GLTPD2: variants seen among roughly 807,000 people sequenced by gnomAD.
GLTPD2 encodes the protein glycolipid transfer protein domain containing 2.
Under a neutral mutation model 12.9 loss-of-function variants are expected in GLTPD2, and 12 were observed. The ratio of observed to expected loss-of-function variants is 0.93; its 90% CI spans 0.59 to 1.50. The LOEUF is 1.50. Among genes scored for constraint, GLTPD2 ranks in the 40% most tolerant of loss-of-function variants. The pLI is 0.00. For synonymous variants in GLTPD2, 199 were observed against 205.6 expected (o/e 0.97, Z 0.27); for missense variants, 450 against 426.2 (o/e 1.06, Z -0.49).
chr17:4,789,831 G>A lies in GLTPD2; in HGVS notation c.411G>A (p.Glu137=), dbSNP rs374100494. The part of the protein sequence containing the change: ...REAFTKVTDL[E]ARVHGPDAEH... ...CCTTCACCAAGGTGACAGACCTGGA[G>A]GCTCGGGTGCACGGCCCGGACGCGG... The change falls in exon 4 of 4, where the codon GAG becomes GAA. Residue 137 remains glutamate, a synonymous_variant. Transcript: ENST00000331264. 5 of 1,610,196 alleles carry A rather than the reference G, an allele frequency of 3.1e-6. No homozygotes were observed. Among genetic ancestry groups the A allele is most frequent in the Non-Finnish European group, 4.2e-6 (5 of 1,178,506 alleles).
At chr17:4,789,203 C>T in intron 1 of GLTPD2, 23 bp from the exon 2 acceptor site, 7 of 1,602,138 alleles carry the variant, frequency 4.4e-6, no homozygotes, top group Non-Finnish European at 6.0e-6. Context: ...GAGCCCTCAC[C>T]GCTCCGCTTC....
In GLTPD2 at chr17:4,789,523, T is replaced by C; in HGVS notation, c.184T>C (p.Ser62Pro). The C allele has an allele frequency of 3.1e-6, 5 of 1,613,496 alleles. No individual in the cohort carries two copies. The highest frequency in any genetic ancestry group is 4.2e-6 in the Non-Finnish European group (5 of 1,179,728). Residue 62 changes from serine to proline, a missense_variant, in exon 3 of 4, where the codon TCG (serine) becomes CCG (proline). Coordinates refer to ENST00000331264, the MANE Select transcript of GLTPD2 (RefSeq NM_001014985.3). ...ETAPFQVRQE[S>P]GTLEAPERKQ... Reference sequence around the variant, plus strand: ...GTCTCCCCACCAGGTCCGGCAGGAGTCGGGAACCCTGGAGGCCCCGGAGAG... The same window carrying C: ...GTCTCCCCACCAGGTCCGGCAGGAGCCGGGAACCCTGGAGGCCCCGGAGAG...
intron 1 of GLTPD2, 23 bp from the exon 2 acceptor site, chr17:4,789,203 C>A (rs779795044): frequency 1.9e-6 from 3 of 1,602,136 alleles, no homozygotes; most frequent in South Asian, 1.1e-5. Context: ...GAGCCCTCAC[C>A]GCTCCGCTTC....
rs1475344488 is a variant in GLTPD2, at chr17:4,789,946, C to G, written c.526C>G (p.Arg176Gly). Residue 176 changes from arginine (R) to glycine (G), a missense_variant, in exon 4 of 4, where the codon CGG (arginine) becomes GGG (glycine). By Grantham distance (125) the Arg-to-Gly change is moderately radical. Transcript: ENST00000331264. The stretch of plus-strand genomic sequence containing the variant: ...GGGGGCGGCCCCCCGGGACCCGACC[C>G]GGAGCTCGGGCTCTCGCACGCTGCT... Reference protein sequence around the residue: ...QPGAAPRDPTRSSGSRTLLLL... With the variant: ...QPGAAPRDPTGSSGSRTLLLL... 2.6e-6 allele frequency: 4 copies of G among 1,538,518 alleles called. No homozygotes were observed. Among genetic ancestry groups the G allele is most frequent in the Non-Finnish European group, 3.5e-6 (4 of 1,144,242 alleles).
intron 2 of GLTPD2, 96 bp downstream of exon 2, chr17:4,789,386 C>T (rs957581433): frequency 2.0e-5 from 30 of 1,508,334 alleles, no homozygotes; most frequent in Admixed American, 3.9e-5. Flanking sequence ...GGCGGGTCCT[C>T]CCCCGGTCTA....
chr17:4,789,650 A>G lies in GLTPD2; in HGVS notation c.311A>G (p.Tyr104Cys). ...KPEGDVGLSP[Y>C]LAGWRALVEF... ...GAAGGGGATGTGGGGCTGTCGCCGT[A>G]CCTGGCGGGATGGAGGGCACTCGTC... Residue 104 changes from tyrosine (Y) to cysteine (C), a missense_variant, in exon 3 of 4, where the codon TAC becomes TGC. Transcript: ENST00000331264. 1 of 1,613,486 alleles carries G rather than the reference A, an allele frequency of 6.2e-7. No individual in the cohort carries two copies. Among genetic ancestry groups the G allele is most frequent in the Non-Finnish European group, 8.5e-7 (1 of 1,179,942 alleles).
chr17:4,789,653 T>C lies in GLTPD2; in HGVS notation c.314T>C (p.Leu105Pro), dbSNP rs567449261. Reference sequence around the variant, plus strand: ...GGGGATGTGGGGCTGTCGCCGTACCTGGCGGGATGGAGGGCACTCGTCGAG... The same window carrying C: ...GGGGATGTGGGGCTGTCGCCGTACCCGGCGGGATGGAGGGCACTCGTCGAG... ...PEGDVGLSPY[L>P]AGWRALVEFL... Residue 105 changes from leucine (L) to proline (P), a missense_variant, in exon 3 of 4, where the codon CTG becomes CCG. Physicochemically the swap from Leu to Pro is moderately conservative, Grantham distance 98 (BLOSUM62 -3). Coordinates refer to ENST00000331264, the MANE Select transcript of GLTPD2 (RefSeq NM_001014985.3). The C allele has an allele frequency of 1.8e-4, 285 of 1,613,196 alleles. 3 individuals carry two copies. The South Asian group carries it at 2.9e-3, about 16-fold the overall frequency.
In GLTPD2 at chr17:4,790,072, T is replaced by A. The variant is rs973091317; in HGVS notation, c.652T>A (p.Tyr218Asn). Residue 218 changes from tyrosine to asparagine, a missense_variant, in exon 4 of 4, where the codon TAC becomes AAC. Tyr to Asn is a moderately radical substitution (Grantham distance 143). Coordinates refer to ENST00000331264, the MANE Select transcript of GLTPD2 (RefSeq NM_001014985.3). ...PDAGVQCSDA[Y>N]RAALGPHHPW... The stretch of plus-strand genomic sequence containing the variant: ...CGCGGGCGTGCAGTGCAGCGACGCC[T>A]ACCGTGCGGCCCTGGGTCCGCATCA... The A allele has an allele frequency of 2.2e-5, 31 of 1,405,544 alleles. No individual in the cohort carries two copies. The African/African-American group carries it at 3.8e-4, about 17-fold the overall frequency. 87.1% of individuals were successfully genotyped at this position (1,405,544 alleles called of 1,614,324 possible). A position where few individuals can be genotyped will look rare whatever the true frequency, so the allele number is the denominator to read the frequency against.
Position 4,790,364 on chromosome 17 carries a change from C to T in GLTPD2, c.*68C>T, listed in dbSNP as rs1917640626. The T allele has an allele frequency of 8.1e-7, 1 of 1,240,068 alleles. No individual in the cohort carries two copies. The highest frequency in any genetic ancestry group is 1.0e-6 in the Non-Finnish European group (1 of 969,752). 76.8% of individuals were successfully genotyped at this position (1,240,068 alleles called of 1,614,324 possible). A position where few individuals can be genotyped will look rare whatever the true frequency, so the allele number is the denominator to read the frequency against. On this transcript the variant is annotated 3_prime_UTR_variant, in exon 4 of 4. Coordinates refer to ENST00000331264, the MANE Select transcript of GLTPD2 (RefSeq NM_001014985.3). ...GGGGTGGGGCCGCGCAGCCCGGGGT[C>T]AGTCCTGCAGCCCGCGCCGCGGCCG...
In GLTPD2 at chr17:4,789,232, G is replaced by T. The variant is rs967519144; in HGVS notation, c.113G>T (p.Arg38Leu). The T allele has an allele frequency of 6.9e-6, 11 of 1,597,044 alleles. No individual in the cohort carries two copies. Among genetic ancestry groups the T allele is most frequent in the African/African-American group, 6.7e-5 (5 of 74,140 alleles). ...CCGCTTCTCCTCTACCCAGGCGCCC[G>T]CTCGGGCTGCGGACCCAGGGCGCAG... ...LYLSVRSLGA[R>L]SGCGPRAQPC... Residue 38 changes from arginine (R) to leucine (L), a missense_variant, in exon 2 of 4, where the codon CGC (arginine) becomes CTC (leucine). Arg to Leu is a moderately radical substitution (Grantham distance 102). Transcript: ENST00000331264.
At position 4,790,225 on chromosome 17, in the gene GLTPD2, G is replaced by A. The variant is rs1433262134; in HGVS notation, c.805G>A (p.Gly269Ser). Residue 269 changes from glycine to serine, a missense_variant, in exon 4 of 4, where the codon GGC becomes AGC. Coordinates refer to ENST00000331264, the MANE Select transcript of GLTPD2 (RefSeq NM_001014985.3). ...EARAALVRAA[G>S]TLEDVYNRTQ... The stretch of plus-strand genomic sequence containing the variant: ...GCGGGCCGCGCTGGTCCGGGCCGCC[G>A]GCACCTTGGAGGATGTCTACAACCG... 2.0e-6 allele frequency: 3 copies of A among 1,485,630 alleles called. No individual in the cohort carries two copies. Among genetic ancestry groups the A allele is most frequent in the Non-Finnish European group, 2.7e-6 (3 of 1,125,718 alleles). The allele number at this position is 1,485,630 out of a possible 1,614,324, so 92.0% of individuals were successfully genotyped here.
chr17:4,789,524 C>A lies in GLTPD2; in HGVS notation c.185C>A (p.Ser62Ter). 3 of 1,613,862 alleles carry A rather than the reference C, an allele frequency of 1.9e-6. No individual in the cohort carries two copies. Among genetic ancestry groups the A allele is most frequent in the Non-Finnish European group, 2.5e-6 (3 of 1,179,822 alleles). The stretch of plus-strand genomic sequence containing the variant: ...TCTCCCCACCAGGTCCGGCAGGAGT[C>A]GGGAACCCTGGAGGCCCCGGAGAGG... ...ETAPFQVRQESGTLEAPERKQ... is the reference protein window; with the variant it reads ...ETAPFQVRQE Residue 62 changes from serine to a stop codon, truncating the protein, a stop_gained, in exon 3 of 4, where the codon TCG becomes TAG. Transcript: ENST00000331264. LOFTEE classifies it high-confidence loss of function.
chr17:4,789,966 G>A lies in GLTPD2; in HGVS notation c.546G>A (p.Thr182=). The change falls in exon 4 of 4, where the codon ACG becomes ACA. Residue 182 remains threonine, a synonymous_variant. Coordinates refer to ENST00000331264, the MANE Select transcript of GLTPD2 (RefSeq NM_001014985.3). ...RDPTRSSGSR[T]LLLLHRALRW... is the part of the protein sequence containing the mutation. Reference sequence around the variant, plus strand: ...CGACCCGGAGCTCGGGCTCTCGCACGCTGCTCCTGCTGCACCGCGCGCTGC... The same window carrying A: ...CGACCCGGAGCTCGGGCTCTCGCACACTGCTCCTGCTGCACCGCGCGCTGC... The A allele has an allele frequency of 6.5e-7, 1 of 1,533,160 alleles. No individual in the cohort carries two copies. Among genetic ancestry groups the A allele is most frequent in the South Asian group, 1.2e-5 (1 of 83,292 alleles). The allele number at this position is 1,533,160 out of a possible 1,614,324, so 95.0% of individuals were successfully genotyped here.
intron 2 of GLTPD2, 40 bp from the exon 3 acceptor site, chr17:4,789,471 G>A (rs766067905): frequency 1.2e-6 from 2 of 1,602,136 alleles, no homozygotes; most frequent in Non-Finnish European, 1.7e-6. Flanking sequence ...CTTCAGGGCA[G>A]AATCTGCTCC....
chr17:4,789,777 C>A lies in GLTPD2; in HGVS notation c.357C>A (p.Gly119=), dbSNP rs961485262. The A allele has an allele frequency of 6.2e-6, 10 of 1,613,090 alleles. No individual in the cohort carries two copies. In the African/African-American group the frequency reaches 1.1e-4, roughly 17 times the overall value. ...RALVEFLTPL[G]SVFAFATREA... is the part of the protein sequence containing the mutation. ...CCCGCAGGTTCCTGACTCCCCTCGG[C>A]TCCGTCTTCGCCTTCGCCACTAGGG... Residue 119 remains glycine, a synonymous_variant, in exon 4 of 4, where the codon GGC becomes GGA. Coordinates refer to ENST00000331264, the MANE Select transcript of GLTPD2 (RefSeq NM_001014985.3).
chr17:4,788,989 G>A lies in GLTPD2; in HGVS notation c.-23G>A, dbSNP rs537238232. 2.5e-6 allele frequency: 4 copies of A among 1,601,664 alleles called. No individual in the cohort carries two copies. The African/African-American group carries it at 4.0e-5, about 16-fold the overall frequency. ...ACGGACTGGCTAGGCGCTGGTGAGG[G>A]GGCGGCGGTCCCAGCAGCAGGCATG... On this transcript the variant is annotated 5_prime_UTR_variant, in exon 1 of 4. Transcript: ENST00000331264.
Position 4,789,674 on chromosome 17 carries a change from T to C in GLTPD2, c.335T>C (p.Val112Ala), listed in dbSNP as rs1917612770. Residue 112 changes from valine (V) to alanine (A), a missense_variant, in exon 3 of 4, where the codon GTC becomes GCC. Transcript: ENST00000331264. ...SPYLAGWRALVEFLTPLGSVF... is the reference protein window; with the variant it reads ...SPYLAGWRALAEFLTPLGSVF... ...TACCTGGCGGGATGGAGGGCACTCG[T>C]CGAGTGAGTGGCCTCCCGCCCCCCA... The C allele has an allele frequency of 3.7e-6, 6 of 1,611,302 alleles. No homozygotes were observed. The highest frequency in any genetic ancestry group is 5.1e-6 in the Non-Finnish European group (6 of 1,178,976).
In GLTPD2 at chr17:4,789,233, C is replaced by T. The variant is rs1270427701; in HGVS notation, c.114C>T (p.Arg38=). 3 of 1,598,626 alleles carry T rather than the reference C, an allele frequency of 1.9e-6. No individual in the cohort carries two copies. The highest frequency in any genetic ancestry group is 2.2e-5 in the South Asian group (2 of 90,016). The change falls in exon 2 of 4, where the codon CGC becomes CGT. Residue 38 remains arginine (R), a synonymous_variant. Coordinates refer to ENST00000331264, the MANE Select transcript of GLTPD2 (RefSeq NM_001014985.3). ...LYLSVRSLGA[R]SGCGPRAQPC... ...CGCTTCTCCTCTACCCAGGCGCCCG[C>T]TCGGGCTGCGGACCCAGGGCGCAGC...
At position 4,789,857 on chromosome 17, in the gene GLTPD2, A is replaced by T. The variant is rs748086015; in HGVS notation, c.437A>T (p.Glu146Val). ...LEARVHGPDAEHYWSLVAMAA... is the reference protein window; with the variant it reads ...LEARVHGPDAVHYWSLVAMAA... ...GCTCGGGTGCACGGCCCGGACGCGG[A>T]GCACTACTGGTCGCTGGTGGCCATG... is the stretch of plus-strand genomic sequence containing the variant. Residue 146 changes from glutamate to valine, a missense_variant, in exon 4 of 4, where the codon GAG (glutamate) becomes GTG (valine). Coordinates refer to ENST00000331264, the MANE Select transcript of GLTPD2 (RefSeq NM_001014985.3). The T allele has an allele frequency of 7.5e-6, 12 of 1,600,856 alleles. No homozygotes were observed. Among genetic ancestry groups the T allele is most frequent in the African/African-American group, 1.3e-5 (1 of 74,518 alleles).
Sources: allele counts gnomAD v4.1 joint callset, GRCh38; gene constraint gnomAD v4.1.1; transcripts MANE v1.5; gene names NCBI Gene and HGNC (gene_info 2026-07-23, HGNC 2026-07-21).